CWH43: variants seen among roughly 807,000 people sequenced by gnomAD.
The protein encoded by CWH43 is cell wall biogenesis 43 C-terminal homolog, also known as PGAP2-interacting protein.
A neutral mutation model predicts 85.7 loss-of-function variants in CWH43; 91 were observed. That is an observed-to-expected ratio of 1.06 (90% CI 0.90 to 1.26). CWH43 has a LOEUF of 1.26. Ranked by LOEUF, CWH43 falls within the 50% of genes most tolerant of loss-of-function variation. CWH43 has a pLI of 0.00. For synonymous variants in CWH43, 323 were observed against 293.6 expected, an observed-to-expected ratio of 1.10 and a Z score of -1.02; for missense variants, 869 against 839.2, an observed-to-expected ratio of 1.04 and a Z score of -0.44.
intron 15 of CWH43, among the ~76,000 whole-genome samples, chr4:49,054,988 T>A (rs187217141): frequency 2.5e-4 from 38 of 152,248 alleles, no homozygotes; most frequent in Non-Finnish European, 4.9e-4. Flanking sequence ...CCAATTTAGA[T>A]GTATTTTATT....
chr4:49,022,108 G>A (rs1783767415), intron 9 of CWH43, among the ~76,000 whole-genome samples: 1 of 152,102 alleles, frequency 6.6e-6, no homozygotes, highest in African/African-American at 2.4e-5. Flanking sequence ...TGGTGAAAGT[G>A]GGCATCCTTG....
chr4:49,041,872 T>C (rs1784474689), intron 13 of CWH43, among the ~76,000 whole-genome samples: 2 of 152,210 alleles, frequency 1.3e-5, no homozygotes, highest in African/African-American at 4.8e-5. Context: ...CTTCTACTTA[T>C]ATTTCACTGG....
intron 13 of CWH43, among the ~76,000 whole-genome samples, chr4:49,039,327 ATATATACTGATG>A (rs1350281880): frequency 3.7e-5 from 3 of 81,656 alleles, no homozygotes; most frequent in South Asian, 3.8e-4. Context: ...ATATATATAT[ATATATACTGATG>A]TATATATATA....
chr4:49,023,672 C>A (rs185513704), intron 9 of CWH43, among the ~76,000 whole-genome samples: 2 of 152,132 alleles, frequency 1.3e-5, no homozygotes, highest in Non-Finnish European at 2.9e-5. Context: ...CCACTGCACC[C>A]GGTTGATTTC....
intron 15 of CWH43, among the ~76,000 whole-genome samples, chr4:49,056,148 G>C (rs1243826769): frequency 7.3e-6 from 1 of 136,488 alleles, no homozygotes; most frequent in Non-Finnish European, 1.5e-5. Context: ...TCCCACCTAT[G>C]AGTGAGAATA....
At chr4:49,009,784 G>A (rs188423262) in intron 8 of CWH43, among the ~76,000 whole-genome samples, 109 of 151,994 alleles carry the variant, frequency 7.2e-4, no homozygotes, top group African/African-American at 2.3e-3. Flanking sequence ...ATGTTTATTG[G>A]CTTGCATATG....
intron 14 of CWH43, among the ~76,000 whole-genome samples, chr4:49,050,373 G>A (rs1229468001): frequency 6.6e-6 from 1 of 152,168 alleles, no homozygotes; most frequent in Non-Finnish European, 1.5e-5. Flanking sequence ...ATTCTGAAGA[G>A]TTCCTGTTAT....
intron 10 of CWH43, 34 bp downstream of exon 10, chr4:49,028,768 G>A (rs752061205): frequency 1.0e-5 from 14 of 1,353,562 alleles, no homozygotes; most frequent in Non-Finnish European, 1.5e-5. Flanking sequence ...CAGGTTTTGA[G>A]AAACTATTAT....
Position 49,061,835 on chromosome 4 carries a change from A to G in CWH43, c.2045A>G (p.His682Arg), listed in dbSNP as rs753333755. The part of the protein sequence containing the change: ...NPRFGSYKEG[H>R]NYENNHHFHM... ...AGATTTGGATCCTACAAAGAAGGAC[A>G]CAATTATGAAAACAACCATCATTTT... Residue 682 changes from histidine (H) to arginine (R), a missense_variant, in exon 16 of 16, where the codon CAC (histidine) becomes CGC (arginine). His to Arg is a conservative substitution (Grantham distance 29). Coordinates refer to ENST00000226432, the MANE Select transcript of CWH43 (RefSeq NM_025087.3). 7.2e-7 allele frequency: 1 copy of G among 1,394,656 alleles called. No individual in the cohort carries two copies. The highest frequency in any genetic ancestry group is 2.7e-5 in the East Asian group (1 of 37,370). 86.4% of individuals were successfully genotyped at this position (1,394,656 alleles called of 1,614,324 possible). A position where few individuals can be genotyped will look rare whatever the true frequency, so the allele number is the denominator to read the frequency against.
chr4:49,055,961 T>C (rs867255234), intron 15 of CWH43, among the ~76,000 whole-genome samples: 2 of 148,370 alleles, frequency 1.3e-5, no homozygotes, highest in East Asian at 4.0e-4. Flanking sequence ...CATGTGCACA[T>C]TGTGCAGGTT....
intron 6 of CWH43, 196 bp from the exon 7 acceptor site, chr4:49,003,539 T>A: frequency 1.8e-6 from 1 of 556,818 alleles, no homozygotes; most frequent in Non-Finnish European, 3.2e-6. Flanking sequence ...ATCCACATTC[T>A]ACCTCCAGTT....
chr4:49,017,877 C>T lies in CWH43; in HGVS notation c.1266+549C>T, dbSNP rs115408522. Among the ~76,000 whole-genome samples, 376 of 152,138 alleles carry T rather than the reference C, an allele frequency of 2.5e-3. 3 individuals carry two copies. The highest frequency in any genetic ancestry group is 8.9e-3 in the African/African-American group (368 of 41,514). On this transcript the variant is annotated intron_variant, in intron 9 of 15. Coordinates refer to ENST00000226432, the MANE Select transcript of CWH43 (RefSeq NM_025087.3). ...ATTTGATGGAGTCTCACTCTGCCGC[C>T]CGGCTGGAGTGCAGTGGTGCGATCT...
At chr4:49,055,867 G>A (rs1784936943) in intron 15 of CWH43, among the ~76,000 whole-genome samples, 1 of 151,758 alleles carries the variant, frequency 6.6e-6, no homozygotes, top group Non-Finnish European at 1.5e-5. Context: ...AAGGTGCTGG[G>A]ATTACAGGCA....
rs1286864462 is a variant in CWH43, at chr4:48,992,108, G to A, written c.511+18G>A. 6.3e-7 allele frequency: 1 copy of A among 1,599,622 alleles called. No individual in the cohort carries two copies. Among genetic ancestry groups the A allele is most frequent in the Non-Finnish European group, 8.5e-7 (1 of 1,170,200 alleles). ...TGGCACAGGTAATACTGTAACTTAG[G>A]AATTTTCTCTTTGCAGAGCTTACCT... On this transcript the variant is annotated intron_variant, in intron 4 of 15. Transcript: ENST00000226432. This position sits in a 1 kb window ranked among gnomAD's most constrained non-coding sequence, Gnocchi z 4.3.
chr4:49,060,154 G>T (rs1301631293), intron 15 of CWH43, among the ~76,000 whole-genome samples: 1 of 151,964 alleles, frequency 6.6e-6, no homozygotes, highest in Admixed American at 6.6e-5. Context: ...GGTGCCTGGG[G>T]TTATAAGGGG....
chr4:49,029,542 G>T (rs1310206815), intron 10 of CWH43, among the ~76,000 whole-genome samples: 1 of 152,236 alleles, frequency 6.6e-6, no homozygotes, highest in Admixed American at 6.5e-5. Flanking sequence ...TGCTGAGGAG[G>T]ATTAGTAAAA....
chr4:49,016,712 C>G, intron 8 of CWH43: 1 of 774,182 alleles, frequency 1.3e-6, no homozygotes, highest in Non-Finnish European at 2.4e-6. Flanking sequence ...CTGTGATGAC[C>G]TTTGCCTGCT....
rs1388150263 is a variant in CWH43, at chr4:49,032,575, T to C, written c.1518T>C (p.Ala506=). The change falls in exon 12 of 16, where the codon GCT becomes GCC. Residue 506 remains alanine, a synonymous_variant. Transcript: ENST00000226432. ...STRYHTWGIM[A]LSRYPIVKSE... ...TTTCATTCCAATACAGGATTATGGC[T>C]TTGTCAAGATACCCAATTGTGAAAT... 1 of 1,613,988 alleles carries C rather than the reference T, an allele frequency of 6.2e-7. No individual in the cohort carries two copies.
At chr4:49,053,681 A>T (rs1193640208) in intron 15 of CWH43, among the ~76,000 whole-genome samples, 6 of 152,168 alleles carry the variant, frequency 3.9e-5, no homozygotes, top group Non-Finnish European at 7.4e-5. Flanking sequence ...TGTTTTGGAT[A>T]TTAGCCGTTT....
Sources: allele counts gnomAD v4.1 joint callset (sites outside exome capture counted in the v4.1 genomes callset), GRCh38; gene constraint gnomAD v4.1.1; non-coding constraint Gnocchi (gnomAD v3.1); transcripts MANE v1.5; gene names NCBI Gene and HGNC (gene_info 2026-07-23, HGNC 2026-07-21).